The following HEATR4 variants were observed in gnomAD, a reference collection of about 807,000 sequenced individuals.
HEATR4 encodes HEAT repeat-containing protein 4.
Under a neutral mutation model 108.8 loss-of-function variants are expected in HEATR4, and 95 were observed. The ratio of observed to expected loss-of-function variants is 0.87; its 90% CI spans 0.74 to 1.04. The LOEUF is 1.04. Ranked by LOEUF, HEATR4 falls within the 50% of genes least tolerant of loss-of-function variation. HEATR4 has a pLI of 0.00. For synonymous variants in HEATR4, 443 were observed against 459.4 expected, an observed-to-expected ratio of 0.96 and a Z score of 0.46; for missense variants, 1,152 against 1,253.8, an observed-to-expected ratio of 0.92 and a Z score of 1.23.
the HEATR4 span, among the ~76,000 whole-genome samples, chr14:73,609,710 G>A: frequency 3.3e-5 from 5 of 151,982 alleles, no homozygotes; most frequent in South Asian, 1.0e-3. Context: ...GTGCGATCTC[G>A]GCTCACCACA....
At chr14:73,567,816 C>G in the HEATR4 span, 1 of 152,072 alleles carries the variant, frequency 6.6e-6, no homozygotes. Flanking sequence ...GACCTGCTGC[C>G]TTTATGAGCT....
the HEATR4 span, chr14:73,569,647 G>C: frequency 6.2e-7 from 1 of 1,605,016 alleles, no homozygotes. Context: ...AGCTTCGCGG[G>C]GCTTGAGCCC....
the HEATR4 span, among the ~76,000 whole-genome samples, chr14:73,583,737 C>T: frequency 1.8e-4 from 27 of 152,100 alleles, no homozygotes; most frequent in South Asian, 3.3e-3. Flanking sequence ...CGGTGGCTCA[C>T]GCCTGTAATC....
intron 1 of HEATR4, among the ~76,000 whole-genome samples, chr14:73,547,493 T>A (rs950388473): frequency 8.7e-6 from 1 of 114,944 alleles, no homozygotes; most frequent in African/African-American, 2.8e-5. Context: ...TTACAGGCAA[T>A]CACCACTGCA....
chr14:73,550,149 A>C (rs1889297363), intron 1 of HEATR4, among the ~76,000 whole-genome samples: 1 of 113,270 alleles, frequency 8.8e-6, no homozygotes, highest in African/African-American at 2.9e-5. Context: ...ATAGATAACA[A>C]CTGGAACATT....
the HEATR4 span, among the ~76,000 whole-genome samples, chr14:73,632,743 C>G: frequency 6.7e-6 from 1 of 149,070 alleles, no homozygotes; most frequent in African/African-American, 2.5e-5. Flanking sequence ...ACTAGGGAGG[C>G]TGAGGTAGGA....
the HEATR4 span, among the ~76,000 whole-genome samples, chr14:73,608,010 C>T: frequency 4.0e-4 from 59 of 146,792 alleles, 1 homozygote; most frequent in East Asian, 0.011. Flanking sequence ...CTGCAAGCTC[C>T]GCCTCCTGGG....
the HEATR4 span, chr14:73,612,835 A>G: frequency 2.1e-6 from 3 of 1,426,222 alleles, no homozygotes; most frequent in South Asian, 2.7e-5. Flanking sequence ...AGCCCGAGAA[A>G]GCCTTGGTGC....
the HEATR4 span, among the ~76,000 whole-genome samples, chr14:73,566,190 C>T: frequency 6.6e-6 from 1 of 152,002 alleles, no homozygotes; most frequent in Non-Finnish European, 1.5e-5. Flanking sequence ...TACAGAGTGC[C>T]GATTGGTGTA....
the HEATR4 span, chr14:73,569,431 C>T: frequency 6.2e-7 from 1 of 1,613,882 alleles, no homozygotes; most frequent in Non-Finnish European, 8.5e-7. Flanking sequence ...GCTCGGATGG[C>T]GGCGACGCTG....
Position 73,522,305 on chromosome 14 carries a change from T to A in HEATR4, c.848A>T (p.Lys283Met), listed in dbSNP as rs1204879134. The A allele has an allele frequency of 6.2e-7, 1 of 1,614,220 alleles. No individual in the cohort carries two copies. Among genetic ancestry groups the A allele is most frequent in the Admixed American group, 1.7e-5 (1 of 60,022 alleles). The change falls in exon 3 of 18, where the codon AAG becomes ATG. Residue 283 changes from lysine (K) to methionine (M), a missense_variant. Transcript: ENST00000553558. ...AACGGGAAGCAGCAGTTCTGGCTTC[T>A]TCTTTTCCTGTGGGGGCAGGATGAC... Reference protein sequence around the residue: ...QSVILPPQEKKKPELLLPVYY... With the variant: ...QSVILPPQEKMKPELLLPVYY...
intron 12 of HEATR4, among the ~76,000 whole-genome samples, chr14:73,499,608 A>G (rs1467236404): frequency 6.6e-6 from 1 of 152,208 alleles, no homozygotes; most frequent in Non-Finnish European, 1.5e-5. Flanking sequence ...AGCCTAAAGT[A>G]CCAACCTATA....
chr14:73,619,451 T>C, the HEATR4 span: 1 of 1,614,250 alleles, frequency 6.2e-7, no homozygotes, highest in South Asian at 1.1e-5. Context: ...CTCACTTTTA[T>C]GGACACTTGG....
chr14:73,587,892 T>A, the HEATR4 span, among the ~76,000 whole-genome samples: 1 of 152,206 alleles, frequency 6.6e-6, no homozygotes, highest in South Asian at 2.1e-4. Context: ...TCAAATTGTG[T>A]TCAAATCTAA....
the HEATR4 span, chr14:73,595,769 G>T: frequency 3.9e-6 from 5 of 1,271,700 alleles, no homozygotes; most frequent in Non-Finnish European, 4.2e-6. Flanking sequence ...GTCATTAATG[G>T]TGTATTTTAC....
rs34660727 is a variant in HEATR4, at chr14:73,506,804, G to GTTTT, written c.1882-237_1882-234dup. Among the ~76,000 whole-genome samples, 71 of 80,484 alleles carry GTTTT rather than the reference G, an allele frequency of 8.8e-4. 11 individuals carry two copies. In the East Asian group the frequency reaches 0.012, roughly 14 times the overall value. 52.8% of individuals were successfully genotyped at this position (80,484 alleles called of 152,430 possible). On this transcript the variant is annotated intron_variant, in intron 9 of 17. Transcript: ENST00000553558. Reference sequence around the variant, plus strand: ...GGACCTTCCTTTCCTGACTTTAACTGTTTTTTTTTTTTTTTTTTTTTCTGA... The same window carrying GTTTT: ...GGACCTTCCTTTCCTGACTTTAACTGTTTTTTTTTTTTTTTTTTTTTTTTTCTGA...
chr14:73,567,521 T>C, the HEATR4 span: 1 of 151,874 alleles, frequency 6.6e-6, no homozygotes, highest in African/African-American at 2.4e-5. Context: ...CAGCACTCTG[T>C]AAAATGGAAA....
the HEATR4 span, among the ~76,000 whole-genome samples, chr14:73,625,606 C>G: frequency 6.6e-6 from 1 of 152,208 alleles, no homozygotes; most frequent in Non-Finnish European, 1.5e-5. Flanking sequence ...GGTGATCCAC[C>G]AGCCTCGGCC....
the HEATR4 span, chr14:73,617,165 C>T: frequency 6.2e-6 from 10 of 1,614,018 alleles, no homozygotes; most frequent in East Asian, 2.2e-5. Context: ...TTGAAGAAGC[C>T]GTGGACTTTA....
Sources: gnomAD v4.1 joint callset for allele counts (sites outside exome capture counted in the v4.1 genomes callset) on GRCh38, gnomAD v4.1.1 for gene constraint, MANE v1.5 for transcripts, NCBI Gene and HGNC (gene_info 2026-07-23, HGNC 2026-07-21) for gene names.